The following PEX5L variants were observed in gnomAD, a reference collection of about 807,000 sequenced individuals.
The protein encoded by PEX5L is PEX5-related protein.
A neutral mutation model predicts 84.0 loss-of-function variants in PEX5L; 30 were observed. The ratio of observed to expected loss-of-function variants is 0.36; its 90% CI spans 0.27 to 0.48. The LOEUF (loss-of-function observed/expected upper bound fraction) is 0.48. Ranked by LOEUF, PEX5L falls within the 20% of genes least tolerant of loss-of-function variation. The pLI, the probability that PEX5L is intolerant of heterozygous loss-of-function variation, is 0.99. For missense variants in PEX5L, 533 were observed against 754.6 expected (o/e 0.71, Z 3.44); for synonymous variants, 270 against 283.1 (o/e 0.95, Z 0.46).
chr3:179,863,005 A>G (rs532536057), intron 7 of PEX5L, among the ~76,000 whole-genome samples: 4 of 152,342 alleles, frequency 2.6e-5, no homozygotes, highest in African/African-American at 9.6e-5. Flanking sequence ...GACCAATGGA[A>G]CAGAATAGAG....
At chr3:179,860,452 G>A (rs1745656611) in intron 7 of PEX5L, among the ~76,000 whole-genome samples, 1 of 152,240 alleles carries the variant, frequency 6.6e-6, no homozygotes, top group South Asian at 2.1e-4. Context: ...ACTTGAACAG[G>A]CCTGGGCCCC....
At chr3:180,008,165 T>G (rs1789097555) in intron 1 of PEX5L, among the ~76,000 whole-genome samples, 1 of 152,190 alleles carries the variant, frequency 6.6e-6, no homozygotes, top group African/African-American at 2.4e-5. Context: ...GCTTAGAAAT[T>G]TCTTCCACCA....
rs1035924290 is a variant in PEX5L, at chr3:179,888,034, C to T, written c.199-250G>A. On this transcript the variant is annotated intron_variant, in intron 3 of 14. Coordinates refer to ENST00000467460, the MANE Select transcript of PEX5L (RefSeq NM_016559.3). ...AAGCTCAAGCCTTTCCTCCCCCCTC[C>T]TGAAATATGATTATTCTCTAATTTC... is the stretch of plus-strand genomic sequence containing the variant. 18 of 918,778 alleles carry T rather than the reference C, an allele frequency of 2.0e-5. No homozygotes were observed. The African/African-American group carries it at 2.6e-4, about 14-fold the overall frequency. 56.9% of individuals were successfully genotyped at this position (918,778 alleles called of 1,614,324 possible). A position where few individuals can be genotyped will look rare whatever the true frequency, so the allele number is the denominator to read the frequency against.
chr3:179,925,355 G>GT (rs1169528885), intron 2 of PEX5L, among the ~76,000 whole-genome samples: 3 of 118,422 alleles, frequency 2.5e-5, no homozygotes, highest in Non-Finnish European at 5.5e-5. Flanking sequence ...ACTGTGGTTA[G>GT]TTTTTTTTAT....
At chr3:179,981,016 T>C (rs1579215999) in intron 1 of PEX5L, among the ~76,000 whole-genome samples, 1 of 116,108 alleles carries the variant, frequency 8.6e-6, no homozygotes, top group South Asian at 3.0e-4. Context: ...AGAATAAGAC[T>C]CCTTCTCAAA....
chr3:180,007,853 C>A (rs1358167782), intron 1 of PEX5L, among the ~76,000 whole-genome samples: 1 of 152,234 alleles, frequency 6.6e-6, no homozygotes, highest in Non-Finnish European at 1.5e-5. Context: ...AGTGCAGGGA[C>A]CCTGGGCCTG....
In PEX5L at chr3:179,995,080, G is replaced by GTA. The variant is rs754207418; in HGVS notation, c.22-23417_22-23416dup. On this transcript the variant is annotated intron_variant, in intron 1 of 14. Coordinates refer to ENST00000467460, the MANE Select transcript of PEX5L (RefSeq NM_016559.3). ...TGTAGTTATATATATAGCATAGAGA[G>GTA]TATATATATAGTATATATATACACA... Among the ~76,000 whole-genome samples, 66 of 146,192 alleles carry GTA rather than the reference G, an allele frequency of 4.5e-4. No homozygotes were observed. In the South Asian group the frequency reaches 6.0e-3, roughly 13 times the overall value.
intron 9 of PEX5L, among the ~76,000 whole-genome samples, chr3:179,818,305 TA>T (rs1371624481): frequency 2.0e-4 from 30 of 152,186 alleles, no homozygotes; most frequent in Admixed American, 4.6e-4. Context: ...GGGTACCTAA[TA>T]GGTATATGTA....
intron 1 of PEX5L, among the ~76,000 whole-genome samples, chr3:180,006,325 T>C (rs1788888899): frequency 6.6e-6 from 1 of 151,380 alleles, no homozygotes; most frequent in African/African-American, 2.4e-5. Flanking sequence ...CAAAACCTAA[T>C]CCCTGAAGTA....
intron 4 of PEX5L, among the ~76,000 whole-genome samples, chr3:179,883,117 G>A (rs1754663881): frequency 2.0e-5 from 3 of 152,038 alleles, no homozygotes; most frequent in Admixed American, 6.5e-5. Context: ...TACAATGAAC[G>A]TGAAAAGTGT....
chr3:179,887,888 A>G, intron 3 of PEX5L, 104 bp from the exon 4 acceptor site: 1 of 767,910 alleles, frequency 1.3e-6, no homozygotes, highest in East Asian at 2.5e-5. Context: ...AGCCTACCAA[A>G]AATAAATAAA....
chr3:179,862,954 T>A (rs1356210004), intron 7 of PEX5L, among the ~76,000 whole-genome samples: 1 of 152,172 alleles, frequency 6.6e-6, no homozygotes, highest in Non-Finnish European at 1.5e-5. Context: ...AAAGCTATAG[T>A]GATCAAAATG....
chr3:179,965,508 AG>A (rs1415252838), intron 2 of PEX5L, among the ~76,000 whole-genome samples: 3 of 152,228 alleles, frequency 2.0e-5, no homozygotes, highest in African/African-American at 7.2e-5. Context: ...ACTAGGAACC[AG>A]GGCAATGGAT....
At chr3:179,908,282 C>G (rs1763947124) in intron 2 of PEX5L, among the ~76,000 whole-genome samples, 1 of 152,192 alleles carries the variant, frequency 6.6e-6, no homozygotes, top group South Asian at 2.1e-4. Context: ...CAGCGTGTAG[C>G]TGGGGGTGGT....
At chr3:179,940,640 T>C (rs1046572032) in intron 2 of PEX5L, among the ~76,000 whole-genome samples, 2 of 152,150 alleles carry the variant, frequency 1.3e-5, no homozygotes, top group Non-Finnish European at 2.9e-5. Context: ...ACAGCATTAA[T>C]TTACCTCTAA....
intron 3 of PEX5L, among the ~76,000 whole-genome samples, chr3:179,895,247 T>C (rs1758876511): frequency 6.6e-6 from 1 of 152,126 alleles, no homozygotes; most frequent in South Asian, 2.1e-4. Context: ...TTTACACTTT[T>C]TTTGATTACT....
intron 1 of PEX5L, among the ~76,000 whole-genome samples, chr3:180,022,491 A>T (rs1375235163): frequency 6.6e-6 from 1 of 152,238 alleles, no homozygotes; most frequent in African/African-American, 2.4e-5. Flanking sequence ...TTGTATTTAA[A>T]AGAGGGGTTA....
At chr3:180,034,521 T>C (rs1791724440) in intron 1 of PEX5L, among the ~76,000 whole-genome samples, 1 of 152,148 alleles carries the variant, frequency 6.6e-6, no homozygotes, top group Non-Finnish European at 1.5e-5. Flanking sequence ...GTTTAAAATG[T>C]AAGCCAACAA....
chr3:179,953,651 G>C (rs1408579902), intron 2 of PEX5L, among the ~76,000 whole-genome samples: 1 of 152,162 alleles, frequency 6.6e-6, no homozygotes, highest in Non-Finnish European at 1.5e-5. Context: ...CCATGATGCT[G>C]TAGGGAACAT....
Sources: allele counts gnomAD v4.1 joint callset (sites outside exome capture counted in the v4.1 genomes callset), GRCh38; gene constraint gnomAD v4.1.1; transcripts MANE v1.5; gene names NCBI Gene and HGNC (gene_info 2026-07-23, HGNC 2026-07-21).